GABRG3: variants seen among roughly 807,000 people sequenced by gnomAD.
GABRG3 encodes the protein gamma-aminobutyric acid type A receptor subunit gamma3.
In GABRG3, 25 loss-of-function variants were observed where a neutral mutation model predicts 48.8. That is an observed-to-expected ratio of 0.51 (90% CI 0.37 to 0.72). The LOEUF (loss-of-function observed/expected upper bound fraction) is 0.72. Among genes scored for constraint, GABRG3 ranks in the 30% least tolerant of loss-of-function variants. The pLI is 0.00. For missense variants in GABRG3, 394 were observed against 577.9 expected (o/e 0.68, Z 3.26); for synonymous variants, 227 against 217.6 (o/e 1.04, Z -0.38).
chr15:27,202,897 A>G (rs899918339), intron 3 of GABRG3, among the ~76,000 whole-genome samples: 1 of 152,078 alleles, frequency 6.6e-6, no homozygotes, highest in Non-Finnish European at 1.5e-5. Flanking sequence ...GTGGTAAAAT[A>G]TGTTCATTTC....
At chr15:27,083,607 T>G (rs372481660) in intron 3 of GABRG3, among the ~76,000 whole-genome samples, 1 of 152,268 alleles carries the variant, frequency 6.6e-6, no homozygotes, top group East Asian at 1.9e-4. Context: ...ATTACAGGCA[T>G]GAACCACCGT....
At chr15:27,083,514 G>GT (rs1035924640) in intron 3 of GABRG3, among the ~76,000 whole-genome samples, 2 of 152,000 alleles carry the variant, frequency 1.3e-5, no homozygotes, top group Admixed American at 1.3e-4. Flanking sequence ...TATGTTTTTA[G>GT]TAGAGATTTC....
At chr15:27,372,135 G>A (rs1056495967) in intron 5 of GABRG3, among the ~76,000 whole-genome samples, 1 of 152,018 alleles carries the variant, frequency 6.6e-6, no homozygotes, top group Non-Finnish European at 1.5e-5. Flanking sequence ...TCAGCATTAA[G>A]CTTTAAGCCA....
intron 3 of GABRG3, among the ~76,000 whole-genome samples, chr15:27,061,498 A>T (rs1325916457): frequency 6.6e-6 from 1 of 151,582 alleles, no homozygotes; most frequent in Non-Finnish European, 1.5e-5. Flanking sequence ...CTTTCACTAG[A>T]AAACAAACTG....
rs953113385 is a variant in GABRG3 at position 27,165,283 on chromosome 15, G to T, written c.270+138462G>T. Among the ~76,000 whole-genome samples the T allele has an allele frequency of 3.3e-5, 5 of 152,288 alleles. No individual in the cohort carries two copies. In the South Asian group the frequency reaches 6.2e-4, roughly 19 times the overall value. Reference sequence around the variant, plus strand: ...ACAATTAGACTTCCAGCATTGGGCAGTGCTGGCGAGGTCACCTAACCCAGC... The same window carrying T: ...ACAATTAGACTTCCAGCATTGGGCATTGCTGGCGAGGTCACCTAACCCAGC... On this transcript the variant is annotated intron_variant, in intron 3 of 9. Coordinates refer to ENST00000615808, the MANE Select transcript of GABRG3 (RefSeq NM_033223.5).
At chr15:27,067,064 C>T (rs1040549774) in intron 3 of GABRG3, among the ~76,000 whole-genome samples, 9 of 152,176 alleles carry the variant, frequency 5.9e-5, no homozygotes, top group African/African-American at 1.9e-4. Context: ...TTTTAAATCA[C>T]GTGCACACAT....
chr15:27,270,114 A>G (rs989351836), intron 3 of GABRG3, among the ~76,000 whole-genome samples: 2 of 152,208 alleles, frequency 1.3e-5, no homozygotes, highest in African/African-American at 4.8e-5. Context: ...TAGAATCCAA[A>G]ATAGCAGGGT....
At chr15:27,121,406 G>A (rs1311539701) in intron 3 of GABRG3, among the ~76,000 whole-genome samples, 4 of 152,160 alleles carry the variant, frequency 2.6e-5, no homozygotes, top group South Asian at 4.1e-4. Context: ...ACTTCCCTTC[G>A]GCGATACCAC....
chr15:27,404,328 T>C (rs1887569754), intron 5 of GABRG3, among the ~76,000 whole-genome samples: 1 of 152,192 alleles, frequency 6.6e-6, no homozygotes, highest in South Asian at 2.1e-4. Context: ...GGGCTGGCAA[T>C]GCCTACCTTG....
intron 6 of GABRG3, among the ~76,000 whole-genome samples, chr15:27,490,880 C>T (rs1890334462): frequency 6.6e-6 from 1 of 152,048 alleles, no homozygotes; most frequent in Non-Finnish European, 1.5e-5. Context: ...GGCCCTTGTC[C>T]TGCCACCACC....
intron 3 of GABRG3, among the ~76,000 whole-genome samples, chr15:27,309,052 A>T (rs536681475): frequency 6.6e-6 from 1 of 151,096 alleles, no homozygotes; most frequent in South Asian, 2.1e-4. Context: ...ATGTTTATAT[A>T]GAAACACATA....
At position 27,089,718 on chromosome 15, in the gene GABRG3, C is replaced by T. The variant is rs376380119; in HGVS notation, c.270+62897C>T. On this transcript the variant is annotated intron_variant, in intron 3 of 9. Coordinates refer to ENST00000615808, the MANE Select transcript of GABRG3 (RefSeq NM_033223.5). ...GCGAAGGGAGGACATCTTGCCAGGA[C>T]GGCAAACACTCATCTGCTTTCTGCC... is the stretch of plus-strand genomic sequence containing the variant. 1.1e-4 allele frequency among the ~76,000 whole-genome samples: 17 copies of T among 152,254 alleles called. No homozygotes were observed. The East Asian group carries it at 1.9e-3, about 17-fold the overall frequency.
chr15:27,291,135 T>C (rs1891782135), intron 3 of GABRG3, among the ~76,000 whole-genome samples: 1 of 152,210 alleles, frequency 6.6e-6, no homozygotes, highest in Non-Finnish European at 1.5e-5. Context: ...TATTCACAGA[T>C]AATTTTATAC....
At chr15:27,376,523 A>G (rs1224661475) in intron 5 of GABRG3, among the ~76,000 whole-genome samples, 1 of 152,192 alleles carries the variant, frequency 6.6e-6, no homozygotes, top group African/African-American at 2.4e-5. Context: ...TCTAAAATCT[A>G]GGCAGAGGTT....
intron 2 of GABRG3, among the ~76,000 whole-genome samples, chr15:27,006,876 G>A (rs1011482098): frequency 3.3e-5 from 5 of 149,832 alleles, no homozygotes; most frequent in Admixed American, 3.3e-4. Context: ...GTGTTGCTCT[G>A]TTGCCCAGGC....
chr15:27,187,647 A>G (rs1888140558), intron 3 of GABRG3, among the ~76,000 whole-genome samples: 1 of 151,790 alleles, frequency 6.6e-6, no homozygotes, highest in South Asian at 2.1e-4. Flanking sequence ...ATATTCCTGG[A>G]TATTTTATTC....
chr15:27,080,326 G>T (rs1896972502), intron 3 of GABRG3, among the ~76,000 whole-genome samples: 1 of 152,028 alleles, frequency 6.6e-6, no homozygotes. Context: ...GCTGAATATG[G>T]TGGTGTGTGC....
intron 3 of GABRG3, among the ~76,000 whole-genome samples, chr15:27,304,586 C>T (rs892699164): frequency 6.6e-6 from 1 of 151,706 alleles, no homozygotes; most frequent in Non-Finnish European, 1.5e-5. Flanking sequence ...TTAAAGCCAC[C>T]CACATTCCCC....
intron 2 of GABRG3, among the ~76,000 whole-genome samples, chr15:27,026,305 G>C (rs962239530): frequency 6.6e-6 from 1 of 152,180 alleles, no homozygotes; most frequent in African/African-American, 2.4e-5. Context: ...AGGATAGCTT[G>C]ACAGCTATGT....
Sources: allele counts gnomAD v4.1 joint callset (sites outside exome capture counted in the v4.1 genomes callset), GRCh38; gene constraint gnomAD v4.1.1; transcripts MANE v1.5; gene names NCBI Gene and HGNC (gene_info 2026-07-23, HGNC 2026-07-21).